KCNG2: variants seen among roughly 807,000 people sequenced by gnomAD.
KCNG2 encodes potassium voltage-gated channel modifier subfamily G member 2.
Under a neutral mutation model 12.3 loss-of-function variants are expected in KCNG2, and 7 were observed. That is an observed-to-expected ratio of 0.57 (90% CI 0.32 to 1.07). The LOEUF is 1.07. Ranked by LOEUF, KCNG2 falls within the 50% of genes least tolerant of loss-of-function variation. The pLI is 0.04. For synonymous variants in KCNG2, 414 were observed against 351.4 expected, an observed-to-expected ratio of 1.18 and a Z score of -1.99; for missense variants, 703 against 726.0, an observed-to-expected ratio of 0.97 and a Z score of 0.36.
intron 3 of KCNG2, among the ~76,000 whole-genome samples, chr18:79,893,412 A>C (rs367828175): frequency 1.3e-5 from 2 of 150,354 alleles, no homozygotes; most frequent in East Asian, 4.0e-4. Flanking sequence ...AACAATTCAT[A>C]TAGTTGGGTC....
intron 2 of KCNG2, among the ~76,000 whole-genome samples, chr18:79,859,921 C>T (rs561312166): frequency 6.6e-6 from 1 of 152,262 alleles, no homozygotes; most frequent in African/African-American, 2.4e-5. Flanking sequence ...GTTCGCATTC[C>T]TATAAAGGAA....
At chr18:79,842,896 C>T (rs1978505808) in intron 1 of KCNG2, among the ~76,000 whole-genome samples, 1 of 151,912 alleles carries the variant, frequency 6.6e-6, no homozygotes, top group African/African-American at 2.4e-5. Flanking sequence ...TATAGGTGTT[C>T]CAGAAGGAGT....
chr18:79,885,243 G>A (rs1042140729), intron 3 of KCNG2, among the ~76,000 whole-genome samples: 3 of 152,190 alleles, frequency 2.0e-5, no homozygotes, highest in African/African-American at 4.8e-5. Flanking sequence ...CACAAAAAAA[G>A]CCAAACAATC....
chr18:79,842,263 C>A (rs1306269282), intron 1 of KCNG2, among the ~76,000 whole-genome samples: 1 of 152,174 alleles, frequency 6.6e-6, no homozygotes, highest in African/African-American at 2.4e-5. Flanking sequence ...CCCTTGTAAA[C>A]CCAGGCAGCA....
Position 79,884,707 on chromosome 18 carries a change from T to A in KCNG2, c.625-14333T>A, listed in dbSNP as rs1980453230. Among the ~76,000 whole-genome samples, 4 of 152,192 alleles carry A rather than the reference T, an allele frequency of 2.6e-5. No homozygotes were observed. Among genetic ancestry groups the A allele is most frequent in the Admixed American group, 1.3e-4 (2 of 15,286 alleles). On this transcript the variant is annotated intron_variant, in intron 3 of 3. Transcript: ENST00000316249. The surrounding 1 kb of genome is among the most constrained non-coding windows in gnomAD (Gnocchi z 5.5). The stretch of plus-strand genomic sequence containing the variant: ...GACACGCCCAAGGCCCACAGACACG[T>A]GGCTTCGTGATGGGGAGCCACGGGG...
At chr18:79,831,613 C>T (rs1307995843) in intron 1 of KCNG2, among the ~76,000 whole-genome samples, 2 of 111,660 alleles carry the variant, frequency 1.8e-5, no homozygotes, top group Admixed American at 9.2e-5. Flanking sequence ...TCGTCAGGAG[C>T]GTGCCCTGCG....
chr18:79,848,203 C>G (rs4799092), intron 1 of KCNG2, among the ~76,000 whole-genome samples: 45,569 of 152,058 alleles, frequency 0.3, 7,801 homozygotes, highest in South Asian at 0.52. Flanking sequence ...CTAATGGTGA[C>G]GCATATGCTT....
At chr18:79,865,314 GTCT>G in intron 3 of KCNG2, among the ~76,000 whole-genome samples, 1 of 111,880 alleles carries the variant, frequency 8.9e-6, no homozygotes, top group African/African-American at 3.0e-5. Flanking sequence ...GGGTGCTGAG[GTCT>G]GGGTGCTGAG....
In KCNG2 at chr18:79,866,409, C is replaced by T. The variant is rs1397261296; in HGVS notation, c.624+2118C>T. Reference sequence around the variant, plus strand: ...TGCTGAGAGGTCTGGGTGCTGAGGTCTGGGTGCTGAGAGGTCTGGGTGCTG... The same window carrying T: ...TGCTGAGAGGTCTGGGTGCTGAGGTTTGGGTGCTGAGAGGTCTGGGTGCTG... On this transcript the variant is annotated intron_variant, in intron 3 of 3. Coordinates refer to ENST00000316249, the MANE Select transcript of KCNG2 (RefSeq NM_012283.2). Among the ~76,000 whole-genome samples the T allele has an allele frequency of 2.5e-3, 206 of 83,400 alleles. 1 individual carries two copies. The highest frequency in any genetic ancestry group is 3.3e-3 in the East Asian group (8 of 2,412). 54.7% of individuals were successfully genotyped at this position (83,400 alleles called of 152,430 possible).
intron 3 of KCNG2, among the ~76,000 whole-genome samples, chr18:79,877,303 G>A (rs538763246): frequency 6.6e-6 from 1 of 152,312 alleles, no homozygotes; most frequent in South Asian, 2.1e-4. Context: ...ATGACTGCTG[G>A]TGAGGCTGGG....
At chr18:79,882,174 C>T (rs1374597808) in intron 3 of KCNG2, among the ~76,000 whole-genome samples, 4 of 152,170 alleles carry the variant, frequency 2.6e-5, no homozygotes, top group Non-Finnish European at 1.5e-5. Context: ...GTCAGATACG[C>T]GATTCATGAA....
intron 1 of KCNG2, among the ~76,000 whole-genome samples, chr18:79,827,767 C>T (rs146286757): frequency 1.3e-5 from 2 of 152,286 alleles, no homozygotes; most frequent in Non-Finnish European, 2.9e-5. Flanking sequence ...CCAAGTCTCT[C>T]CATGTGGCTC....
At position 79,890,286 on chromosome 18, in the gene KCNG2, CT is replaced by C. The variant is rs201293033; in HGVS notation, c.625-8748del. Among the ~76,000 whole-genome samples, 1,187 of 152,244 alleles carry C rather than the reference CT, an allele frequency of 7.8e-3. 7 individuals carry two copies. Among genetic ancestry groups the C allele is most frequent in the Non-Finnish European group, 0.012 (845 of 68,020 alleles). ...GTTTGTGAGGAATTGGTATTAATTC[CT>C]TTTTTATGAATAAAATTTTTTTAAT... On this transcript the variant is annotated intron_variant, in intron 3 of 3. Coordinates refer to ENST00000316249, the MANE Select transcript of KCNG2 (RefSeq NM_012283.2).
intron 2 of KCNG2, among the ~76,000 whole-genome samples, chr18:79,857,675 G>A (rs1979064188): frequency 1.3e-5 from 2 of 152,034 alleles, no homozygotes; most frequent in South Asian, 2.1e-4. Flanking sequence ...GACGTTGGCG[G>A]TGGAAGGCAG....
intron 3 of KCNG2, among the ~76,000 whole-genome samples, chr18:79,885,571 C>T (rs1319305149): frequency 6.6e-6 from 1 of 152,202 alleles, no homozygotes; most frequent in Admixed American, 6.5e-5. Flanking sequence ...CCTGCCCCAC[C>T]GGTCCCTATG....
intron 3 of KCNG2, among the ~76,000 whole-genome samples, chr18:79,883,014 C>T (rs1980377815): frequency 1.3e-5 from 2 of 152,252 alleles, no homozygotes; most frequent in Admixed American, 1.3e-4. Context: ...AGTGTTCAGC[C>T]GGCTTTATTC....
intron 1 of KCNG2, among the ~76,000 whole-genome samples, chr18:79,827,573 G>A (rs1978287073): frequency 6.6e-6 from 1 of 152,206 alleles, no homozygotes; most frequent in Admixed American, 6.5e-5. Flanking sequence ...AGAGGCCCTG[G>A]AGTCCCAGTG....
At chr18:79,831,835 C>T (rs1251115697) in intron 1 of KCNG2, among the ~76,000 whole-genome samples, 1 of 152,226 alleles carries the variant, frequency 6.6e-6, no homozygotes, top group South Asian at 2.1e-4. Context: ...CTCCCACCCC[C>T]ACCCTTACCT....
chr18:79,819,960 A>G (rs1357367127), intron 1 of KCNG2, among the ~76,000 whole-genome samples: 1 of 152,216 alleles, frequency 6.6e-6, no homozygotes, highest in East Asian at 1.9e-4. Context: ...CTGGTCCTCC[A>G]GTGTCCAGCT....
Sources: gnomAD v4.1 joint callset for allele counts (sites outside exome capture counted in the v4.1 genomes callset) on GRCh38, gnomAD v4.1.1 for gene constraint, Gnocchi (gnomAD v3.1) non-coding constraint, MANE v1.5 for transcripts, NCBI Gene and HGNC (gene_info 2026-07-23, HGNC 2026-07-21) for gene names.